The following SHB variants were observed in gnomAD, a reference collection of about 807,000 sequenced individuals.
SHB encodes SH2 domain-containing adapter protein B.
Under a neutral mutation model 52.3 loss-of-function variants are expected in SHB, and 20 were observed. The observed-to-expected ratio is 0.38, with a 90% CI of 0.27 to 0.56. The LOEUF (loss-of-function observed/expected upper bound fraction) is 0.56, where lower values mean the gene tolerates loss of function less well. SHB is among the 20% of genes least tolerant of loss of function. SHB has a pLI of 0.71. For synonymous variants in SHB, 397 were observed against 316.5 expected (o/e 1.25, Z -2.70); for missense variants, 825 against 723.3 (o/e 1.14, Z -1.61).
At chr9:37,943,279 G>C (rs989886937) in intron 5 of SHB, among the ~76,000 whole-genome samples, 1 of 152,086 alleles carries the variant, frequency 6.6e-6, no homozygotes, top group Non-Finnish European at 1.5e-5. Context: ...AACTTTCATA[G>C]AAAGAGTACT....
intron 2 of SHB, among the ~76,000 whole-genome samples, chr9:37,977,691 T>C (rs1255303887): frequency 1.3e-5 from 2 of 152,204 alleles, no homozygotes; most frequent in Non-Finnish European, 2.9e-5. Flanking sequence ...CTGCAACTTA[T>C]TGTCTTGTAG....
intron 2 of SHB, among the ~76,000 whole-genome samples, chr9:37,985,970 G>A: frequency 6.6e-6 from 1 of 152,238 alleles, no homozygotes; most frequent in Non-Finnish European, 1.5e-5. Context: ...CAGAAACTGA[G>A]GTTCAGACAG....
intron 3 of SHB, among the ~76,000 whole-genome samples, chr9:37,959,019 T>C (rs184737176): frequency 2.0e-5 from 3 of 152,216 alleles, no homozygotes; most frequent in Admixed American, 6.5e-5. Context: ...GAGCTTGGAC[T>C]TGAACTTATA....
chr9:38,054,489 G>A (rs527970984), intron 1 of SHB, among the ~76,000 whole-genome samples: 2 of 152,270 alleles, frequency 1.3e-5, no homozygotes, highest in South Asian at 2.1e-4. Context: ...CACCCACCGG[G>A]AACCTGCTCT....
chr9:37,981,427 C>T (rs546943473), intron 2 of SHB, among the ~76,000 whole-genome samples: 1 of 152,310 alleles, frequency 6.6e-6, no homozygotes, highest in South Asian at 2.1e-4. Flanking sequence ...AGAGTTAGGG[C>T]CTTGCTCCAG....
At chr9:37,960,966 T>C (rs1006536507) in intron 3 of SHB, among the ~76,000 whole-genome samples, 1 of 152,178 alleles carries the variant, frequency 6.6e-6, no homozygotes, top group African/African-American at 2.4e-5. Context: ...CAAGAATACC[T>C]GAGGGCTGCT....
intron 5 of SHB, among the ~76,000 whole-genome samples, chr9:37,940,502 A>G (rs143209425): frequency 3.7e-4 from 56 of 152,336 alleles, no homozygotes; most frequent in Non-Finnish European, 6.6e-4. Flanking sequence ...GAAGCACGCT[A>G]ATTGAGCAGA....
intron 1 of SHB, among the ~76,000 whole-genome samples, chr9:38,040,132 A>G (rs146851854): frequency 6.6e-6 from 1 of 152,228 alleles, no homozygotes; most frequent in Admixed American, 6.5e-5. Flanking sequence ...TGCTGTGTGC[A>G]GGAAGGCGAC....
intron 1 of SHB, among the ~76,000 whole-genome samples, chr9:38,066,842 A>G (rs1036229506): frequency 4.6e-5 from 7 of 152,102 alleles, no homozygotes; most frequent in Non-Finnish European, 8.8e-5. Context: ...AAAGGAACTC[A>G]GACTCTTAAT....
At chr9:37,985,705 C>G (rs1434711527) in intron 2 of SHB, among the ~76,000 whole-genome samples, 1 of 152,212 alleles carries the variant, frequency 6.6e-6, no homozygotes, top group Non-Finnish European at 1.5e-5. Flanking sequence ...CCTCGAATAC[C>G]CACTGAACCC....
chr9:37,956,098 C>G (rs376082470), intron 3 of SHB, 44 bp from the exon 4 acceptor site: 3 of 1,534,066 alleles, frequency 2.0e-6, no homozygotes, highest in African/African-American at 2.7e-5. Context: ...GAGCTCAGCC[C>G]AGGGAGCTAC....
chr9:37,927,025 T>C (rs1033881933), intron 5 of SHB, among the ~76,000 whole-genome samples: 1 of 152,184 alleles, frequency 6.6e-6, no homozygotes, highest in African/African-American at 2.4e-5. Flanking sequence ...GCTGGCATTA[T>C]ATGCAAGATA....
At chr9:37,975,041 C>A (rs955093948) in intron 2 of SHB, among the ~76,000 whole-genome samples, 1 of 152,222 alleles carries the variant, frequency 6.6e-6, no homozygotes, top group African/African-American at 2.4e-5. Context: ...GCTCACAAGG[C>A]TCACATGCTC....
intron 2 of SHB, among the ~76,000 whole-genome samples, chr9:37,991,958 C>T (rs777489704): frequency 1.3e-5 from 2 of 152,168 alleles, no homozygotes; most frequent in Non-Finnish European, 2.9e-5. Context: ...TCCCAGGCTC[C>T]CACACCAGAA....
At chr9:37,967,406 G>C (rs1820539460) in intron 3 of SHB, among the ~76,000 whole-genome samples, 1 of 152,290 alleles carries the variant, frequency 6.6e-6, no homozygotes, top group Middle Eastern at 3.4e-3. Flanking sequence ...GGCTGGCTAA[G>C]GGGTGATACC....
intron 1 of SHB, among the ~76,000 whole-genome samples, chr9:38,044,445 G>A (rs908356589): frequency 3.9e-5 from 6 of 152,226 alleles, no homozygotes; most frequent in African/African-American, 7.2e-5. Context: ...TGAAGGAGCT[G>A]AAGCACTCCT....
At chr9:38,036,777 A>G (rs1032292447) in intron 1 of SHB, among the ~76,000 whole-genome samples, 3 of 152,234 alleles carry the variant, frequency 2.0e-5, no homozygotes, top group Non-Finnish European at 4.4e-5. Context: ...GAGAGCAGCT[A>G]CCAGGGACTA....
At chr9:38,001,583 C>T (rs1371347916) in intron 2 of SHB, among the ~76,000 whole-genome samples, 1 of 152,248 alleles carries the variant, frequency 6.6e-6, no homozygotes, top group Non-Finnish European at 1.5e-5. Context: ...AAGCCATGTC[C>T]AGGCGGGTTG....
chr9:37,916,728 TC>T lies in SHB; in HGVS notation c.*3092del, dbSNP rs1470525894. Among the ~76,000 whole-genome samples the T allele has an allele frequency of 6.6e-6, 1 of 152,138 alleles. No homozygotes were observed. Among genetic ancestry groups the T allele is most frequent in the Admixed American group, 6.5e-5 (1 of 15,278 alleles). Reference sequence around the variant, plus strand: ...GTCAGCCTGGGCCATTCTTCTGACTTCAGGACGGGACTGGCAGGCGGTGGGG... The same window carrying T: ...GTCAGCCTGGGCCATTCTTCTGACTTAGGACGGGACTGGCAGGCGGTGGGG... On this transcript the variant is annotated 3_prime_UTR_variant, in exon 6 of 6. Coordinates refer to ENST00000377707, the MANE Select transcript of SHB (RefSeq NM_003028.3).
Sources: gnomAD v4.1 joint callset for allele counts (sites outside exome capture counted in the v4.1 genomes callset) on GRCh38, gnomAD v4.1.1 for gene constraint, MANE v1.5 for transcripts, NCBI Gene and HGNC (gene_info 2026-07-23, HGNC 2026-07-21) for gene names.